ITPKB: variants seen among roughly 807,000 people sequenced by gnomAD.
ITPKB encodes the protein IP3 3-kinase B.
Under a neutral mutation model 69.4 loss-of-function variants are expected in ITPKB, and 13 were observed. The observed-to-expected ratio is 0.19, with a 90% confidence interval of 0.12 to 0.30. ITPKB has a LOEUF of 0.30. ITPKB is among the 10% of genes least tolerant of loss of function. The pLI is 1.00. For synonymous variants in ITPKB, 584 were observed against 513.7 expected, an observed-to-expected ratio of 1.14 and a Z score of -1.85; for missense variants, 1,240 against 1,250.5, an observed-to-expected ratio of 0.99 and a Z score of 0.13.
chr1:226,648,637 AC>A (rs764659669), intron 3 of ITPKB, 34 bp downstream of exon 3: 1 of 1,328,890 alleles, frequency 7.5e-7, no homozygotes, highest in Non-Finnish European at 1.1e-6. Context: ...AGGGCTGAGC[AC>A]CATGCTGGGA....
At chr1:226,688,555 G>C (rs550781284) in intron 2 of ITPKB, among the ~76,000 whole-genome samples, 63 of 152,298 alleles carry the variant, frequency 4.1e-4, no homozygotes, top group African/African-American at 1.4e-3. Flanking sequence ...AGCTGCTCGG[G>C]GCCACTGCCC....
In ITPKB at chr1:226,634,044, T is replaced by A. The variant is rs1175875104; in HGVS notation, c.*627A>T. The A allele has an allele frequency of 6.6e-6, 1 of 152,494 alleles. No individual in the cohort carries two copies. The highest frequency in any genetic ancestry group is 1.5e-5 in the Non-Finnish European group (1 of 68,284). 9.4% of individuals were successfully genotyped at this position (152,494 alleles called of 1,614,324 possible). ...GGGTCTGGCCTGGAGCCGGCAGGTT[T>A]CCATACCAGATGGGTGGGGGGCCTT... On this transcript the variant is annotated 3_prime_UTR_variant, in exon 8 of 8. Transcript: ENST00000429204. This position sits in a 1 kb window ranked among gnomAD's most constrained non-coding sequence, Gnocchi z 6.3.
chr1:226,686,516 G>A (rs1197933284), intron 2 of ITPKB, among the ~76,000 whole-genome samples: 1 of 152,186 alleles, frequency 6.6e-6, no homozygotes, highest in Admixed American at 6.5e-5. Context: ...TAGCTCAGTG[G>A]GAAAAACCCA....
chr1:226,682,172 C>G (rs548736439), intron 2 of ITPKB, among the ~76,000 whole-genome samples: 32 of 152,288 alleles, frequency 2.1e-4, no homozygotes, highest in Admixed American at 4.6e-4. Flanking sequence ...GGTCCCCCCC[C>G]GCCCCGAGAT....
At position 226,639,629 on chromosome 1, in the gene ITPKB, G is replaced by C. The variant is rs749640530; in HGVS notation, c.2481C>G (p.Phe827Leu). 1.2e-6 allele frequency: 2 copies of C among 1,613,900 alleles called. No individual in the cohort carries two copies. Among genetic ancestry groups the C allele is most frequent in the South Asian group, 2.2e-5 (2 of 91,082 alleles). The change falls in exon 6 of 8, where the codon TTC becomes TTG. Residue 827 changes from phenylalanine to leucine, a missense_variant. Physicochemically the swap from Phe to Leu is conservative, Grantham distance 22 (BLOSUM62 0). This residue lies in a region of ITPKB where 248 missense variants were observed against 396.7 expected (regional missense o/e 0.63). Coordinates refer to ENST00000429204, the MANE Select transcript of ITPKB (RefSeq NM_002221.4). ...CCTGCTCCCTCGTTTTGGTCTTCTT[G>C]AAGTCCCGGTTCACGGTGCCGTCTT... is the stretch of plus-strand genomic sequence containing the variant. ...KKEDGTVNRD[F>L]KKTKTREQVT... is the part of the protein sequence containing the mutation.
chr1:226,676,497 C>T (rs915915526), intron 2 of ITPKB, among the ~76,000 whole-genome samples: 3 of 152,240 alleles, frequency 2.0e-5, no homozygotes, highest in Non-Finnish European at 4.4e-5. Flanking sequence ...GACTAGGCCA[C>T]CCAACCTTCT....
chr1:226,732,234 GTTTTTGT>G (rs1657610790), intron 2 of ITPKB, among the ~76,000 whole-genome samples: 1 of 151,400 alleles, frequency 6.6e-6, no homozygotes, highest in Non-Finnish European at 1.5e-5. Context: ...AGTGTTTTTT[GTTTTTGT>G]TTTTTGTTTT....
intron 2 of ITPKB, among the ~76,000 whole-genome samples, chr1:226,712,332 T>C (rs1027005324): frequency 6.6e-6 from 1 of 152,134 alleles, no homozygotes; most frequent in Non-Finnish European, 1.5e-5. Context: ...TCCCCAGCCT[T>C]CGTGGTCACT....
In ITPKB at chr1:226,735,878, T is replaced by G; in HGVS notation, c.1581A>C (p.Gln527His). The G allele has an allele frequency of 6.2e-7, 1 of 1,610,406 alleles. No homozygotes were observed. The highest frequency in any genetic ancestry group is 8.5e-7 in the Non-Finnish European group (1 of 1,177,114). The part of the protein sequence containing the change: ...GLAWTRGTGV[Q>H]SEGTWESQRQ... ...GCTGGCTTTCCCAAGTCCCCTCTGA[T>G]TGCACCCCTGTGCCACGCGTCCAAG... Residue 527 changes from glutamine to histidine, a missense_variant, in exon 2 of 8, where the codon CAA (glutamine) becomes CAC (histidine). By Grantham distance (24) the Gln-to-His change is conservative. Coordinates refer to ENST00000429204, the MANE Select transcript of ITPKB (RefSeq NM_002221.4).
intron 2 of ITPKB, among the ~76,000 whole-genome samples, chr1:226,665,243 C>T (rs984062878): frequency 3.9e-5 from 6 of 152,184 alleles, no homozygotes; most frequent in African/African-American, 1.4e-4. Context: ...CACAGGTCAC[C>T]TGCCCGGCCC....
chr1:226,663,694 A>AT (rs1669442600), intron 2 of ITPKB, among the ~76,000 whole-genome samples: 1 of 151,704 alleles, frequency 6.6e-6, no homozygotes, highest in Non-Finnish European at 1.5e-5. Context: ...TAATTTTTGT[A>AT]TTTTTTGGTA....
chr1:226,703,237 A>C (rs1350711035), intron 2 of ITPKB, among the ~76,000 whole-genome samples: 3 of 152,222 alleles, frequency 2.0e-5, no homozygotes, highest in Non-Finnish European at 4.4e-5. Flanking sequence ...CGCAGGAGAA[A>C]GACCGAGTGC....
intron 2 of ITPKB, among the ~76,000 whole-genome samples, chr1:226,687,966 G>A (rs1352102927): frequency 6.6e-6 from 1 of 152,198 alleles, no homozygotes; most frequent in East Asian, 1.9e-4. Flanking sequence ...GACCAGCCAA[G>A]GGAGTGTCTG....
At chr1:226,712,931 C>T (rs1377700684) in intron 2 of ITPKB, among the ~76,000 whole-genome samples, 2 of 152,202 alleles carry the variant, frequency 1.3e-5, no homozygotes, top group South Asian at 4.1e-4. Flanking sequence ...CACACAACTT[C>T]CATCGCACCC....
Position 226,737,320 on chromosome 1 carries a change from C to T in ITPKB, c.139G>A (p.Val47Ile). The change falls in exon 2 of 8, where the codon GTT becomes ATT. Residue 47 changes from valine (V) to isoleucine (I), a missense_variant. Coordinates refer to ENST00000429204, the MANE Select transcript of ITPKB (RefSeq NM_002221.4). The stretch of plus-strand genomic sequence containing the variant: ...GAGGCGCCTCTCCCGGGGCTGAAAA[C>T]GCTGCCGGGGCTCAGCACTGCCCTC... Reference protein sequence around the residue: ...PRRAVLSPGSVFSPGRGASFL... With the variant: ...PRRAVLSPGSIFSPGRGASFL... The T allele has an allele frequency of 6.3e-7, 1 of 1,590,940 alleles. No individual in the cohort carries two copies. The highest frequency in any genetic ancestry group is 8.5e-7 in the Non-Finnish European group (1 of 1,174,330).
At position 226,736,289 on chromosome 1, in the gene ITPKB, G is replaced by A. The variant is rs774356455; in HGVS notation, c.1170C>T (p.Gly390=). ...TCACAGTCGTCTCCTCTGGCCTTTT[G>A]CCCACTTCAGGCTCCCCAGAGCCCG... ...GMPGSGEPEV[G]KRPEETTVSV... Residue 390 remains glycine (G), a synonymous_variant, in exon 2 of 8, where the codon GGC becomes GGT. Coordinates refer to ENST00000429204, the MANE Select transcript of ITPKB (RefSeq NM_002221.4). 4 of 1,602,120 alleles carry A rather than the reference G, an allele frequency of 2.5e-6. No individual in the cohort carries two copies. Among genetic ancestry groups the A allele is most frequent in the South Asian group, 1.1e-5 (1 of 89,460 alleles).
intron 3 of ITPKB, 77 bp downstream of exon 3, chr1:226,648,595 C>T (rs1669108970): frequency 2.3e-6 from 2 of 881,958 alleles, no homozygotes; most frequent in South Asian, 2.7e-5. Context: ...AGCTTTGATC[C>T]CCAGAATGCA....
At chr1:226,709,592 T>C (rs935603398) in intron 2 of ITPKB, among the ~76,000 whole-genome samples, 82 of 151,874 alleles carry the variant, frequency 5.4e-4, no homozygotes, top group Non-Finnish European at 1.0e-4. Context: ...ACATCCAACT[T>C]CCCCCCAACA....
In ITPKB at chr1:226,737,363, C is replaced by T. The variant is rs779684487; in HGVS notation, c.96G>A (p.Glu32=). ...SGGGPGPSGS[E]TPPPPRRAVL... is the part of the protein sequence containing the mutation. Reference sequence around the variant, plus strand: ...CTGCCCTCCTCGGGGGCGGGGGCGTCTCGCTGCCACTGGGCCCCGGGCCGC... The same window carrying T: ...CTGCCCTCCTCGGGGGCGGGGGCGTTTCGCTGCCACTGGGCCCCGGGCCGC... Residue 32 remains glutamate, a synonymous_variant, in exon 2 of 8, where the codon GAG becomes GAA. Transcript: ENST00000429204. The T allele has an allele frequency of 2.5e-6, 4 of 1,607,316 alleles. No individual in the cohort carries two copies. In the Admixed American group the frequency reaches 6.7e-5, roughly 27 times the overall value.
Sources: allele counts gnomAD v4.1 joint callset (sites outside exome capture counted in the v4.1 genomes callset), GRCh38; gene constraint gnomAD v4.1.1; regional missense constraint gnomAD v4.1.1; non-coding constraint Gnocchi (gnomAD v3.1); transcripts MANE v1.5; gene names NCBI Gene and HGNC (gene_info 2026-07-23, HGNC 2026-07-21).